Variants in NEK6 observed in about 807,000 individuals in gnomAD.
The protein encoded by NEK6 is NIMA related kinase 6.
NEK6 carries 27 observed loss-of-function variants against 43.5 expected under a neutral mutation model. The observed-to-expected ratio is 0.62, with a 90% CI of 0.46 to 0.86. The LOEUF is 0.86. Among genes scored for constraint, NEK6 ranks in the 40% least tolerant of loss-of-function variants. The pLI is 0.00. For synonymous variants in NEK6, 167 were observed against 164.1 expected (o/e 1.02, Z -0.14); for missense variants, 318 against 414.4 (o/e 0.77, Z 2.02).
At chr9:124,341,285 A>T (rs1305489658) in intron 8 of NEK6, among the ~76,000 whole-genome samples, 3 of 152,186 alleles carry the variant, frequency 2.0e-5, no homozygotes. Context: ...TAAGCCAGTG[A>T]CCTGCTATAT....
At chr9:124,281,013 A>T (rs1016351540) in intron 1 of NEK6, among the ~76,000 whole-genome samples, 6 of 150,146 alleles carry the variant, frequency 4.0e-5, no homozygotes, top group Non-Finnish European at 5.9e-5. Context: ...CTGGTCTCGA[A>T]CTCCTGACCT....
intron 6 of NEK6, 151 bp from the exon 7 acceptor site, chr9:124,327,187 C>T: frequency 1.5e-6 from 1 of 673,854 alleles, no homozygotes; most frequent in Non-Finnish European, 2.6e-6. Flanking sequence ...TGGTCAATTT[C>T]CCGAGGTCCC....
At chr9:124,276,280 A>G (rs768974399) in intron 1 of NEK6, among the ~76,000 whole-genome samples, 2 of 152,076 alleles carry the variant, frequency 1.3e-5, no homozygotes, top group African/African-American at 2.4e-5. Context: ...AGTCTCAGGA[A>G]TCATCTCTGG....
Position 124,347,691 on chromosome 9 carries a change from T to G in NEK6, c.718-18T>G, listed in dbSNP as rs1324528227. The G allele has an allele frequency of 6.6e-7, 1 of 1,507,756 alleles. No individual in the cohort carries two copies. The highest frequency in any genetic ancestry group is 1.4e-5 in the African/African-American group (1 of 71,750). The allele number at this position is 1,507,756 out of a possible 1,614,324, so 93.4% of individuals were successfully genotyped here. On this transcript the variant is annotated intron_variant, in intron 8 of 9. Transcript: ENST00000320246. ...CTTGAGGCCGAAAGCTTATCTTCGT[T>G]GTTCCCGTCCCTTGCAGATGGCAGC...
rs996111450 is a variant in NEK6, at chr9:124,326,171, T to G, written c.406-159T>G. 2.0e-5 allele frequency among the ~76,000 whole-genome samples: 3 copies of G among 151,790 alleles called. No individual in the cohort carries two copies. The highest frequency in any genetic ancestry group is 7.3e-5 in the African/African-American group (3 of 41,324). On this transcript the variant is annotated intron_variant, in intron 5 of 9. Transcript: ENST00000320246. The surrounding 1 kb of genome is among the most constrained non-coding windows in gnomAD (Gnocchi z 4.5). ...AGAGGCGTGGACACAGCACTCTTGG[T>G]TCTGGGCTTATTGTTTGCTCAGTGG...
chr9:124,291,097 C>T (rs111324098), intron 1 of NEK6, among the ~76,000 whole-genome samples: 2,447 of 152,300 alleles, frequency 0.016, 71 homozygotes, highest in African/African-American at 0.055. Context: ...CCTTGTGCCC[C>T]GCCTGGCCCT....
In NEK6 at chr9:124,332,563, G is replaced by A. The variant is rs564261844; in HGVS notation, c.622+5118G>A. 1.6e-4 allele frequency among the ~76,000 whole-genome samples: 24 copies of A among 152,294 alleles called. No homozygotes were observed. The South Asian group carries it at 3.1e-3, about 20-fold the overall frequency. On this transcript the variant is annotated intron_variant, in intron 7 of 9. Coordinates refer to ENST00000320246, the MANE Select transcript of NEK6 (RefSeq NM_014397.6). ...CAGCCCAATGTCCCGCCGGCTGGAC[G>A]GATGTCAGCAAGGAGACCGCATTTC...
chr9:124,350,688 A>T, intron 9 of NEK6, 149 bp from the exon 10 acceptor site: 1 of 685,660 alleles, frequency 1.5e-6, no homozygotes. Context: ...TACTTGCCCC[A>T]GCTAAACACC....
chr9:124,341,713 G>A (rs1235779341), intron 8 of NEK6, among the ~76,000 whole-genome samples: 1 of 152,082 alleles, frequency 6.6e-6, no homozygotes, highest in African/African-American at 2.4e-5. Flanking sequence ...GGGTTGGGGC[G>A]GCGAGTGTTG....
chr9:124,319,311 T>G (rs571154399), intron 4 of NEK6, among the ~76,000 whole-genome samples: 1 of 152,258 alleles, frequency 6.6e-6, no homozygotes, highest in Non-Finnish European at 1.5e-5. Flanking sequence ...AATGTTTTGT[T>G]TTTTTTTATT....
At position 124,266,673 on chromosome 9, in the gene NEK6, C is replaced by T. The variant is rs368078881; in HGVS notation, c.-30+8588C>T. 1.7e-4 allele frequency among the ~76,000 whole-genome samples: 26 copies of T among 152,346 alleles called. 1 individual carries two copies. The South Asian group carries it at 3.1e-3, about 18-fold the overall frequency. ...GGTCTGTGGACCACAACAGTGTTCT[C>T]CATGGCCAGCATTGTGCCTGACACA... is the stretch of plus-strand genomic sequence containing the variant. On this transcript the variant is annotated intron_variant, in intron 1 of 9. Transcript: ENST00000320246.
chr9:124,336,650 C>T (rs1470684744), intron 7 of NEK6, among the ~76,000 whole-genome samples: 3 of 152,182 alleles, frequency 2.0e-5, no homozygotes, highest in African/African-American at 7.2e-5. Flanking sequence ...AGGACAGCAG[C>T]AGCCTCTGTC....
At chr9:124,285,848 T>G (rs1400035361) in intron 1 of NEK6, among the ~76,000 whole-genome samples, 1 of 152,196 alleles carries the variant, frequency 6.6e-6, no homozygotes, top group African/African-American at 2.4e-5. Context: ...AGTTTTCCCC[T>G]TCTGTAAAAC....
In NEK6 at chr9:124,326,221, C is replaced by G; in HGVS notation, c.406-109C>G. On this transcript the variant is annotated intron_variant, in intron 5 of 9. Transcript: ENST00000320246. This position sits in a 1 kb window ranked among gnomAD's most constrained non-coding sequence, Gnocchi z 4.5. Reference sequence around the variant, plus strand: ...GCTCAATCCCCCCCCCCCGCCCCTGCCAGGCACCAGTTACCCACTGGGGAA... The same window carrying G: ...GCTCAATCCCCCCCCCCCGCCCCTGGCAGGCACCAGTTACCCACTGGGGAA... 4.6e-6 allele frequency: 1 copy of G among 217,054 alleles called. No homozygotes were observed. The highest frequency in any genetic ancestry group is 1.1e-5 in the Non-Finnish European group (1 of 87,686). The allele number at this position is 217,054 out of a possible 1,614,324, so 13.4% of individuals were successfully genotyped here.
rs1425152617 is a variant in NEK6 at position 124,352,404 on chromosome 9, G to A, written c.*1457G>A. ...TTCTCCATGGTTGAAATAAAACAGG[G>A]TGACTGGGAGTTACTTAGAATTCAT... On this transcript the variant is annotated 3_prime_UTR_variant, in exon 10 of 10. Coordinates refer to ENST00000320246, the MANE Select transcript of NEK6 (RefSeq NM_014397.6). The A allele has an allele frequency of 6.6e-6, 1 of 152,220 alleles. No homozygotes were observed. The allele number at this position is 152,220 out of a possible 1,614,324, so 9.4% of individuals were successfully genotyped here. A position where few individuals can be genotyped will look rare whatever the true frequency, so the allele number is the denominator to read the frequency against.
intron 7 of NEK6, among the ~76,000 whole-genome samples, chr9:124,336,851 A>C (rs937340431): frequency 6.6e-6 from 1 of 152,192 alleles, no homozygotes; most frequent in Non-Finnish European, 1.5e-5. Context: ...TCTACTAAAA[A>C]TATAAAAATT....
At chr9:124,272,932 TTTTTTA>T (rs1588443125) in intron 1 of NEK6, among the ~76,000 whole-genome samples, 2 of 152,328 alleles carry the variant, frequency 1.3e-5, no homozygotes, top group East Asian at 3.9e-4. Context: ...GAATGGATGT[TTTTTTA>T]ATTCTTGGCA....
intron 1 of NEK6, among the ~76,000 whole-genome samples, chr9:124,283,372 G>A (rs868033055): frequency 2.0e-5 from 3 of 152,210 alleles, no homozygotes; most frequent in South Asian, 2.1e-4. Context: ...CCTTCCCCAC[G>A]TCCTAGGACA....
rs564324940 is a variant in NEK6, at chr9:124,346,553, C to T, written c.718-1156C>T. ...AGACAGCAGGAGGGCACTCGCCCGA[C>T]GGCACTTCACTAGCCGGAGGCATTG... On this transcript the variant is annotated intron_variant, in intron 8 of 9. Coordinates refer to ENST00000320246, the MANE Select transcript of NEK6 (RefSeq NM_014397.6). Among the ~76,000 whole-genome samples, 414 of 152,272 alleles carry T rather than the reference C, an allele frequency of 2.7e-3. 4 individuals are homozygous for T. The highest frequency in any genetic ancestry group is 0.024 in the Middle Eastern group (7 of 294).
Sources: gnomAD v4.1 joint callset for allele counts (sites outside exome capture counted in the v4.1 genomes callset) on GRCh38, gnomAD v4.1.1 for gene constraint, Gnocchi (gnomAD v3.1) non-coding constraint, MANE v1.5 for transcripts, NCBI Gene and HGNC (gene_info 2026-07-23, HGNC 2026-07-21) for gene names.